The following MALT1 variants were observed in gnomAD, a reference collection of about 807,000 sequenced individuals.
The protein encoded by MALT1 is mucosa-associated lymphoid tissue lymphoma translocation protein 1.
MALT1 carries 36 observed loss-of-function variants against 85.5 expected under a neutral mutation model. The observed-to-expected ratio is 0.42, with a 90% CI of 0.32 to 0.56. The LOEUF (loss-of-function observed/expected upper bound fraction) is 0.56, where lower values mean the gene tolerates loss of function less well. Ranked by LOEUF, MALT1 falls within the 20% of genes least tolerant of loss-of-function variation. The pLI is 0.10. For missense variants in MALT1, 716 were observed against 981.6 expected, an observed-to-expected ratio of 0.73 and a Z score of 3.62; for synonymous variants, 359 against 361.3, an observed-to-expected ratio of 0.99 and a Z score of 0.07.
chr18:58,692,382 C>T (rs2054518438), intron 2 of MALT1, among the ~76,000 whole-genome samples: 1 of 151,506 alleles, frequency 6.6e-6, no homozygotes, highest in South Asian at 2.1e-4. Context: ...CATGTGTATT[C>T]CAACTGCTCC....
In MALT1 at chr18:58,751,264, T is replaced by G. The variant is rs956545555; in HGVS notation, c.*3422T>G. ...GAGTTCAAGACCAGCTTGACCAAGA[T>G]GGCAAAACCCTGTCTCTATTAAAAA... On this transcript the variant is annotated 3_prime_UTR_variant, in exon 17 of 17. Coordinates refer to ENST00000649217, the MANE Select transcript of MALT1 (RefSeq NM_006785.4). 3 of 152,252 alleles carry G rather than the reference T, an allele frequency of 2.0e-5. No individual in the cohort carries two copies. The highest frequency in any genetic ancestry group is 7.2e-5 in the African/African-American group (3 of 41,444). The allele number at this position is 152,252 out of a possible 1,614,324, so 9.4% of individuals were successfully genotyped here.
chr18:58,707,672 C>G (rs1313495162), intron 4 of MALT1, among the ~76,000 whole-genome samples: 1 of 152,078 alleles, frequency 6.6e-6, no homozygotes, highest in Non-Finnish European at 1.5e-5. Context: ...AGAAAAATAG[C>G]ATTAACATAT....
In MALT1 at chr18:58,671,708, T is replaced by A; in HGVS notation, c.65T>A (p.Leu22His). Residue 22 changes from leucine (L) to histidine (H), a missense_variant, in exon 1 of 17, where the codon CTC (leucine) becomes CAC (histidine). Leu to His is a moderately conservative substitution (Grantham distance 99, BLOSUM62 -3). This residue lies in a region of MALT1 where 80 missense variants were observed against 65.1 expected (regional missense o/e 1.23). Coordinates refer to ENST00000649217, the MANE Select transcript of MALT1 (RefSeq NM_006785.4). ...PPSAAPTGPL[L>H]APPAGATLNR... is the part of the protein sequence containing the mutation. Reference sequence around the variant, plus strand: ...TCGGCCGCCCCCACGGGGCCGCTGCTCGCCCCTCCGGCCGGCGCGACCCTC... The same window carrying A: ...TCGGCCGCCCCCACGGGGCCGCTGCACGCCCCTCCGGCCGGCGCGACCCTC... 2.4e-6 allele frequency: 3 copies of A among 1,271,648 alleles called. No homozygotes were observed. The highest frequency in any genetic ancestry group is 2.0e-6 in the Non-Finnish European group (2 of 1,009,162). 78.8% of individuals were successfully genotyped at this position (1,271,648 alleles called of 1,614,324 possible). A position where few individuals can be genotyped will look rare whatever the true frequency, so the allele number is the denominator to read the frequency against.
In MALT1 at chr18:58,713,911, C is replaced by G. The variant is rs989133350; in HGVS notation, c.959-172C>G. Among the ~76,000 whole-genome samples the G allele has an allele frequency of 2.6e-5, 4 of 152,290 alleles. No individual in the cohort carries two copies. In the East Asian group the frequency reaches 7.7e-4, roughly 29 times the overall value. On this transcript the variant is annotated intron_variant, in intron 7 of 16. Transcript: ENST00000649217. ...TAAATGATAAGCACAGCAATATTCACTATTCTTTGCTATTCAGTATTTGCA... is the reference window on the plus strand; with the variant it reads ...TAAATGATAAGCACAGCAATATTCAGTATTCTTTGCTATTCAGTATTTGCA...
At chr18:58,734,531 C>T (rs1215238639) in intron 12 of MALT1, 150 bp downstream of exon 12, 15 of 625,090 alleles carry the variant, frequency 2.4e-5, no homozygotes, top group Admixed American at 2.0e-4. Context: ...TCAAGCGATC[C>T]TCCTGCCTCA....
At chr18:58,672,684 G>GA (rs1419042556) in intron 1 of MALT1, 10 of 152,090 alleles carry the variant, frequency 6.6e-5, no homozygotes, top group Non-Finnish European at 1.3e-4. Context: ...TACTTTCGTG[G>GA]AAAAACAAAT....
At chr18:58,697,304 A>C (rs760331566) in intron 3 of MALT1, 5 of 152,166 alleles carry the variant, frequency 3.3e-5, no homozygotes, top group Non-Finnish European at 7.3e-5. Context: ...CTTTTCCTTT[A>C]ATTGGATTGC....
chr18:58,723,009 A>G (rs752173836), intron 9 of MALT1, 39 bp from the exon 10 acceptor site: 14 of 1,465,932 alleles, frequency 9.6e-6, no homozygotes, highest in East Asian at 2.3e-5. Flanking sequence ...TTTAATCTTT[A>G]TATCTTCTTT....
intron 14 of MALT1, among the ~76,000 whole-genome samples, 160 bp downstream of exon 14, chr18:58,742,174 C>T (rs1473233949): frequency 2.6e-5 from 4 of 152,328 alleles, no homozygotes; most frequent in Admixed American, 6.5e-5. Flanking sequence ...ATGGATATTA[C>T]ACTGGCTTAT....
intron 4 of MALT1, among the ~76,000 whole-genome samples, chr18:58,705,458 A>G (rs182136369): frequency 0.039 from 5,422 of 139,954 alleles, 191 homozygotes; most frequent in Admixed American, 0.095. Context: ...ATATCTCCCA[A>G]TGCTATCCCT....
rs978808954 is a variant in MALT1 at position 58,752,973 on chromosome 18, C to G, written c.*5131C>G. On this transcript the variant is annotated 3_prime_UTR_variant, in exon 17 of 17. Transcript: ENST00000649217. ...TTCAGCCCTTACTAATAGCGTGGCT[C>G]AAAGAGCGTTAACTTGCCTGTGCTT... 13 of 152,038 alleles carry G rather than the reference C, an allele frequency of 8.6e-5. No individual in the cohort carries two copies. Among genetic ancestry groups the G allele is most frequent in the African/African-American group, 1.5e-4 (6 of 41,310 alleles). The allele number at this position is 152,038 out of a possible 1,614,324, so 9.4% of individuals were successfully genotyped here. A position where few individuals can be genotyped will look rare whatever the true frequency, so the allele number is the denominator to read the frequency against.
At position 58,748,142 on chromosome 18, in the gene MALT1, A is replaced by G. The variant is rs1160128659; in HGVS notation, c.*300A>G. 5.8e-6 allele frequency: 2 copies of G among 345,346 alleles called. No individual in the cohort carries two copies. The highest frequency in any genetic ancestry group is 3.9e-5 in the South Asian group (1 of 25,544). 21.4% of individuals were successfully genotyped at this position (345,346 alleles called of 1,614,324 possible). A position where few individuals can be genotyped will look rare whatever the true frequency, so the allele number is the denominator to read the frequency against. On this transcript the variant is annotated 3_prime_UTR_variant, in exon 17 of 17. Transcript: ENST00000649217. ...TTGTGACCACTCTGAAGTAAGAGCA[A>G]TGGGAATGGCATTATTGTAGAATAA... is the stretch of plus-strand genomic sequence containing the variant.
rs35207196 is a variant in MALT1 at position 58,717,746 on chromosome 18, CAAAAAAAA to C, written c.1018+1793_1018+1800del. On this transcript the variant is annotated intron_variant, in intron 9 of 16. Transcript: ENST00000649217. The stretch of plus-strand genomic sequence containing the variant: ...GGGCGACAGAGTAAGACTCTTGTCT[CAAAAAAAA>C]AAAAAAAAAAAAAGAAACCTGCTAT... Among the ~76,000 whole-genome samples, 20 of 100,570 alleles carry C rather than the reference CAAAAAAAA, an allele frequency of 2.0e-4. No individual in the cohort carries two copies. In the East Asian group the frequency reaches 2.9e-3, roughly 14 times the overall value. The allele number at this position is 100,570 out of a possible 152,430, so 66.0% of individuals were successfully genotyped here.
At chr18:58,709,585 G>T in intron 5 of MALT1, 29 bp downstream of exon 5, 1 of 1,554,280 alleles carries the variant, frequency 6.4e-7, no homozygotes, top group South Asian at 1.2e-5. Flanking sequence ...GGTCTTTTGG[G>T]GGAGTTAACA....
rs944155360 is a variant in MALT1 at position 58,735,330 on chromosome 18, GTAAAATAAAAAA to G, written c.1603+6_1603+17del. On this transcript the variant is annotated splice_donor_variant and splice_donor_5th_base_variant and intron_variant, in intron 13 of 16. Transcript: ENST00000649217. LOFTEE classifies it high-confidence loss of function. ...GTGTTACTGGATGAAGTTGCAGAAG[GTAAAATAAAAAA>G]TAAAGAGAAAAGTACTCAGAAAAAG... 1.9e-6 allele frequency: 3 copies of G among 1,589,116 alleles called. No homozygotes were observed. The African/African-American group carries it at 4.1e-5, about 22-fold the overall frequency.
chr18:58,739,639 C>T (rs750963026), intron 13 of MALT1, among the ~76,000 whole-genome samples: 3 of 152,162 alleles, frequency 2.0e-5, no homozygotes, highest in Non-Finnish European at 4.4e-5. Context: ...AAAGACTGAC[C>T]TCCCACAAGC....
Position 58,752,791 on chromosome 18 carries a change from C to T in MALT1, c.*4949C>T, listed in dbSNP as rs1027289070. ...CTCCAGCCTGGACGACAGGGCAAGA[C>T]GCTGTCTCAAAAATAAAATATTAGT... On this transcript the variant is annotated 3_prime_UTR_variant, in exon 17 of 17. Transcript: ENST00000649217. 12 of 152,254 alleles carry T rather than the reference C, an allele frequency of 7.9e-5. No individual in the cohort carries two copies. The highest frequency in any genetic ancestry group is 2.2e-4 in the African/African-American group (9 of 41,548). 9.4% of individuals were successfully genotyped at this position (152,254 alleles called of 1,614,324 possible).
Position 58,734,358 on chromosome 18 carries a change from C to T in MALT1, c.1452C>T (p.Ala484=), listed in dbSNP as rs1382734479. ...IPILDALKVT[A]NIVFGYATCQ... is the part of the protein sequence containing the mutation. ...TCTTGGATGCACTAAAAGTCACCGC[C>T]AATATTGTGTTTGGATATGCCACGT... The change falls in exon 12 of 17, where the codon GCC becomes GCT. Residue 484 remains alanine, a synonymous_variant. Coordinates refer to ENST00000649217, the MANE Select transcript of MALT1 (RefSeq NM_006785.4). 6.2e-7 allele frequency: 1 copy of T among 1,613,312 alleles called. No homozygotes were observed. Among genetic ancestry groups the T allele is most frequent in the African/African-American group, 1.3e-5 (1 of 74,900 alleles).
Position 58,752,136 on chromosome 18 carries a change from CA to C in MALT1, c.*4295del, listed in dbSNP as rs2144503205. On this transcript the variant is annotated 3_prime_UTR_variant, in exon 17 of 17. Coordinates refer to ENST00000649217, the MANE Select transcript of MALT1 (RefSeq NM_006785.4). Reference sequence around the variant, plus strand: ...ATGTAGCCAGAGCTTAGATCACTGACATGTATACTGGCATAAGCTTTTTTTT... The same window carrying C: ...ATGTAGCCAGAGCTTAGATCACTGACTGTATACTGGCATAAGCTTTTTTTT... 6.6e-6 allele frequency: 1 copy of C among 152,304 alleles called. No individual in the cohort carries two copies. The highest frequency in any genetic ancestry group is 2.1e-4 in the South Asian group (1 of 4,824). The allele number at this position is 152,304 out of a possible 1,614,324, so 9.4% of individuals were successfully genotyped here. A position where few individuals can be genotyped will look rare whatever the true frequency, so the allele number is the denominator to read the frequency against.
Sources: gnomAD v4.1 joint callset for allele counts (sites outside exome capture counted in the v4.1 genomes callset) on GRCh38, gnomAD v4.1.1 for gene constraint, gnomAD v4.1.1 regional missense constraint, MANE v1.5 for transcripts, NCBI Gene and HGNC (gene_info 2026-07-23, HGNC 2026-07-21) for gene names.